PCDHGA11: variants seen among roughly 807,000 people sequenced by gnomAD.
PCDHGA11 encodes protocadherin gamma subfamily A, 11.
Under a neutral mutation model 60.4 loss-of-function variants are expected in PCDHGA11, and 39 were observed. The observed-to-expected ratio is 0.65, with a 90% confidence interval of 0.50 to 0.84. PCDHGA11 has a LOEUF of 0.84. Ranked by LOEUF, PCDHGA11 falls within the 40% of genes least tolerant of loss-of-function variation. The pLI, the probability that PCDHGA11 is intolerant of heterozygous loss-of-function variation, is 0.00. For synonymous variants in PCDHGA11, 533 were observed against 510.3 expected (o/e 1.04, Z -0.60); for missense variants, 1,165 against 1,197.7 (o/e 0.97, Z 0.40).
Position 141,490,012 on chromosome 5 carries a change from G to A in PCDHGA11, c.2434-4795G>A. 1 of 1,614,232 alleles carries A rather than the reference G, an allele frequency of 6.2e-7. No homozygotes were observed. Among genetic ancestry groups the A allele is most frequent in the Non-Finnish European group, 8.5e-7 (1 of 1,180,044 alleles). ...GGGAATCCCAGAGAATGCACCCATT[G>A]GTACTCTGCTGCTCCGCCTCAATGC... is the stretch of plus-strand genomic sequence containing the variant. On this transcript the variant is annotated intron_variant, in intron 1 of 3. Transcript: ENST00000398587. This position sits in a 1 kb window ranked among gnomAD's most constrained non-coding sequence, Gnocchi z 5.4.
rs553462245 is a variant in PCDHGA11 at position 141,511,198 on chromosome 5, A to T, written c.*25A>T. Reference sequence around the variant, plus strand: ...ACATGGAGGCCAGGCCAAGAGCCACAGGGCGGCCTCTCCCCAACCAGCCCA... The same window carrying T: ...ACATGGAGGCCAGGCCAAGAGCCACTGGGCGGCCTCTCCCCAACCAGCCCA... On this transcript the variant is annotated 3_prime_UTR_variant, in exon 4 of 4. Transcript: ENST00000398587. The T allele has an allele frequency of 2.7e-5, 43 of 1,612,954 alleles. 1 individual carries two copies. The South Asian group carries it at 4.5e-4, about 17-fold the overall frequency.
chr5:141,450,310 G>A (rs1364358879), intron 1 of PCDHGA11, among the ~76,000 whole-genome samples: 1 of 151,966 alleles, frequency 6.6e-6, no homozygotes, highest in Non-Finnish European at 1.5e-5. Context: ...ACCATGTGTG[G>A]CCTAGTTGCC....
At position 141,491,303 on chromosome 5, in the gene PCDHGA11, C is replaced by T; in HGVS notation, c.2434-3504C>T. On this transcript the variant is annotated intron_variant, in intron 1 of 3. Coordinates refer to ENST00000398587, the MANE Select transcript of PCDHGA11 (RefSeq NM_018914.3). This position sits in a 1 kb window ranked among gnomAD's most constrained non-coding sequence, Gnocchi z 6.9. ...TTCCTCATACACCCTCCTGAGCGTT[C>T]AGACCTTACCCTTTACCTCATTGTG... 6.2e-7 allele frequency: 1 copy of T among 1,614,132 alleles called. No homozygotes were observed. The highest frequency in any genetic ancestry group is 8.5e-7 in the Non-Finnish European group (1 of 1,179,962).
At chr5:141,460,985 ATATATATATATGTG>A (rs2099005673) in intron 1 of PCDHGA11, among the ~76,000 whole-genome samples, 1 of 91,766 alleles carries the variant, frequency 1.1e-5, no homozygotes, top group Non-Finnish European at 2.2e-5. Flanking sequence ...GTGTGTGTGT[ATATATATATATGTG>A]TATATATATA....
In PCDHGA11 at chr5:141,432,921, A is replaced by G; in HGVS notation, c.2433+9261A>G. On this transcript the variant is annotated intron_variant, in intron 1 of 3. Transcript: ENST00000398587. The surrounding 1 kb of genome is among the most constrained non-coding windows in gnomAD (Gnocchi z 6.0). ...GCGCTCAGGCTGCGGCGCTGGCACAAGTCACGCCTGCTGCAGGCTTCAGGA... is the reference window on the plus strand; with the variant it reads ...GCGCTCAGGCTGCGGCGCTGGCACAGGTCACGCCTGCTGCAGGCTTCAGGA... 6.2e-7 allele frequency: 1 copy of G among 1,614,114 alleles called. No individual in the cohort carries two copies. The highest frequency in any genetic ancestry group is 1.7e-4 in the Middle Eastern group (1 of 6,060).
chr5:141,510,853 CTGT>C, intron 3 of PCDHGA11, 91 bp from the exon 4 acceptor site: 3 of 1,601,238 alleles, frequency 1.9e-6, no homozygotes, highest in Middle Eastern at 1.7e-4. Context: ...GCCCAGGGTG[CTGT>C]ATAGGCATTC....
rs1554116873 is a variant in PCDHGA11 at position 141,423,758 on chromosome 5, G to GT, written c.2433+98_2433+99insT. On this transcript the variant is annotated intron_variant, in intron 1 of 3. Coordinates refer to ENST00000398587, the MANE Select transcript of PCDHGA11 (RefSeq NM_018914.3). Reference sequence around the variant, plus strand: ...CTGTTATGAAAACTGTTTGGGGGGGGGGTGGGGCGGCATATATTTAGTTCA... The same window carrying GT: ...CTGTTATGAAAACTGTTTGGGGGGGGTGGTGGGGCGGCATATATTTAGTTCA... 14 of 366,842 alleles carry GT rather than the reference G, an allele frequency of 3.8e-5. 1 individual carries two copies. The highest frequency in any genetic ancestry group is 5.4e-5 in the Non-Finnish European group (14 of 259,742). The allele number at this position is 366,842 out of a possible 1,614,324, so 22.7% of individuals were successfully genotyped here. A position where few individuals can be genotyped will look rare whatever the true frequency, so the allele number is the denominator to read the frequency against.
In PCDHGA11 at chr5:141,477,116, G is replaced by A. The variant is rs771557201; in HGVS notation, c.2434-17691G>A. ...AGACAAGGGCGCCAATCCCGAAGGA[G>A]CACATTGCAAAGTGTTGGTGGAGGT... On this transcript the variant is annotated intron_variant, in intron 1 of 3. Transcript: ENST00000398587. This position sits in a 1 kb window ranked among gnomAD's most constrained non-coding sequence, Gnocchi z 4.9. 1 of 1,614,252 alleles carries A rather than the reference G, an allele frequency of 6.2e-7. No homozygotes were observed. The highest frequency in any genetic ancestry group is 8.5e-7 in the Non-Finnish European group (1 of 1,180,052).
Position 141,476,091 on chromosome 5 carries a change from G to T in PCDHGA11, c.2434-18716G>T, listed in dbSNP as rs1470774975. The T allele has an allele frequency of 1.3e-6, 2 of 1,563,074 alleles. No homozygotes were observed. Among genetic ancestry groups the T allele is most frequent in the Non-Finnish European group, 1.7e-6 (2 of 1,159,286 alleles). On this transcript the variant is annotated intron_variant, in intron 1 of 3. Coordinates refer to ENST00000398587, the MANE Select transcript of PCDHGA11 (RefSeq NM_018914.3). This position sits in a 1 kb window ranked among gnomAD's most constrained non-coding sequence, Gnocchi z 7.6. ...AAATCTCAGGGACGATCTGGACCCC[G>T]CTGAGAGGAACTGCTTTTGAGTGAG...
intron 1 of PCDHGA11, among the ~76,000 whole-genome samples, chr5:141,473,090 T>C (rs1426311051): frequency 3.9e-5 from 6 of 152,064 alleles, no homozygotes; most frequent in African/African-American, 1.4e-4. Context: ...TTATCCACTG[T>C]GAGTTGTATT....
chr5:141,476,078 C>G lies in PCDHGA11; in HGVS notation c.2434-18729C>G. On this transcript the variant is annotated intron_variant, in intron 1 of 3. Transcript: ENST00000398587. The surrounding 1 kb of genome is among the most constrained non-coding windows in gnomAD (Gnocchi z 7.6). ...AAGTTTCTCAGCGAAATCTCAGGGA[C>G]GATCTGGACCCCGCTGAGAGGAACT... is the stretch of plus-strand genomic sequence containing the variant. 1 of 1,528,034 alleles carries G rather than the reference C, an allele frequency of 6.5e-7. No homozygotes were observed. 94.7% of individuals were successfully genotyped at this position (1,528,034 alleles called of 1,614,324 possible).
chr5:141,463,975 C>T lies in PCDHGA11; in HGVS notation c.2434-30832C>T, dbSNP rs145316182. Among the ~76,000 whole-genome samples the T allele has an allele frequency of 1.3e-3, 204 of 151,992 alleles. 1 individual carries two copies. Among genetic ancestry groups the T allele is most frequent in the African/African-American group, 4.8e-3 (198 of 41,474 alleles). The stretch of plus-strand genomic sequence containing the variant: ...TTTTTAAAATAGCTTCATAAAACTC[C>T]ATTGTAAAAACCAGGTGCAGTGGCT... On this transcript the variant is annotated intron_variant, in intron 1 of 3. Transcript: ENST00000398587.
In PCDHGA11 at chr5:141,432,498, G is replaced by A. The variant is rs766191511; in HGVS notation, c.2433+8838G>A. Reference sequence around the variant, plus strand: ...TCCACTGGCGTGGAGCTGGCTCCCCGCTCCGCAGAGCCCGGCTACCTGGTG... The same window carrying A: ...TCCACTGGCGTGGAGCTGGCTCCCCACTCCGCAGAGCCCGGCTACCTGGTG... On this transcript the variant is annotated intron_variant, in intron 1 of 3. Coordinates refer to ENST00000398587, the MANE Select transcript of PCDHGA11 (RefSeq NM_018914.3). This position sits in a 1 kb window ranked among gnomAD's most constrained non-coding sequence, Gnocchi z 6.0. The A allele has an allele frequency of 1.9e-6, 3 of 1,614,106 alleles. No homozygotes were observed. The highest frequency in any genetic ancestry group is 2.5e-6 in the Non-Finnish European group (3 of 1,180,052).
rs1241874764 is a variant in PCDHGA11, at chr5:141,421,144, G to A, written c.-84G>A. On this transcript the variant is annotated 5_prime_UTR_variant, in exon 1 of 4. An upstream open reading frame in the 5' UTR loses its in-frame stop. Coordinates refer to ENST00000398587, the MANE Select transcript of PCDHGA11 (RefSeq NM_018914.3). The stretch of plus-strand genomic sequence containing the variant: ...CGCTTTCTGATATATTTTGGATGTA[G>A]TCGGCCTAGGACTTCATAGATACAT... The A allele has an allele frequency of 1.0e-6, 1 of 999,180 alleles. No individual in the cohort carries two copies. Among genetic ancestry groups the A allele is most frequent in the African/African-American group, 1.6e-5 (1 of 61,388 alleles). The allele number at this position is 999,180 out of a possible 1,614,324, so 61.9% of individuals were successfully genotyped here. A position where few individuals can be genotyped will look rare whatever the true frequency, so the allele number is the denominator to read the frequency against.
intron 1 of PCDHGA11, among the ~76,000 whole-genome samples, chr5:141,467,341 C>T (rs1169830103): frequency 6.6e-6 from 1 of 152,214 alleles, no homozygotes; most frequent in Non-Finnish European, 1.5e-5. Context: ...ACGTAAGCCA[C>T]TGCCCCCGGC....
At position 141,432,273 on chromosome 5, in the gene PCDHGA11, T is replaced by G. The variant is rs199937628; in HGVS notation, c.2433+8613T>G. 6.8e-6 allele frequency: 11 copies of G among 1,614,238 alleles called. No individual in the cohort carries two copies. In the Admixed American group the frequency reaches 1.7e-4, roughly 24 times the overall value. ...CAAGGGGCAAGCCTATCGTCCTACG[T>G]GTCCATCAACTCCGACACTGGGGTA... On this transcript the variant is annotated intron_variant, in intron 1 of 3. Coordinates refer to ENST00000398587, the MANE Select transcript of PCDHGA11 (RefSeq NM_018914.3). This position sits in a 1 kb window ranked among gnomAD's most constrained non-coding sequence, Gnocchi z 6.0.
chr5:141,500,269 C>T (rs977958449), intron 2 of PCDHGA11, among the ~76,000 whole-genome samples: 1 of 151,504 alleles, frequency 6.6e-6, no homozygotes, highest in African/African-American at 2.4e-5. Context: ...ACTGCAGTGG[C>T]GCAATCTCGG....
intron 1 of PCDHGA11, among the ~76,000 whole-genome samples, chr5:141,458,992 C>G (rs1268862644): frequency 6.6e-6 from 1 of 152,190 alleles, no homozygotes; most frequent in African/African-American, 2.4e-5. Flanking sequence ...CTCACCCTCC[C>G]AAAGTGCTGG....
chr5:141,482,069 G>A (rs892777397), intron 1 of PCDHGA11, among the ~76,000 whole-genome samples: 1 of 138,078 alleles, frequency 7.2e-6, no homozygotes, highest in Non-Finnish European at 1.5e-5. Context: ...TGGGCAACAA[G>A]AACAAAACTC....
Sources: allele counts gnomAD v4.1 joint callset (sites outside exome capture counted in the v4.1 genomes callset), GRCh38; gene constraint gnomAD v4.1.1; non-coding constraint Gnocchi (gnomAD v3.1); transcripts MANE v1.5; gene names NCBI Gene and HGNC (gene_info 2026-07-23, HGNC 2026-07-21).